Variants in PRKCB observed in about 807,000 individuals in gnomAD.
PRKCB encodes the protein protein kinase C beta.
A neutral mutation model predicts 81.5 loss-of-function variants in PRKCB; 13 were observed. The observed-to-expected ratio is 0.16, with a 90% confidence interval of 0.10 to 0.25. PRKCB has a LOEUF of 0.25. PRKCB is among the 10% of genes least tolerant of loss of function. PRKCB has a pLI of 1.00. For missense variants in PRKCB, 509 were observed against 875.7 expected (o/e 0.58, Z 5.29); for synonymous variants, 335 against 321.4 (o/e 1.04, Z -0.45).
intron 2 of PRKCB, among the ~76,000 whole-genome samples, chr16:23,971,971 CTT>C (rs567485018): frequency 5.9e-5 from 9 of 152,112 alleles, no homozygotes; most frequent in African/African-American, 2.2e-4. Context: ...TAAATTAAGA[CTT>C]ATAAATGAAT....
In PRKCB at chr16:24,122,449, C is replaced by CTTTTTT. The variant is rs35364143; in HGVS notation, c.919-1372_919-1367dup. On this transcript the variant is annotated intron_variant, in intron 8 of 16. Transcript: ENST00000643927. The stretch of plus-strand genomic sequence containing the variant: ...CATGTCAGAGGATTCTACCACGAGG[C>CTTTTTT]TTTTTTTTTTTTTTTTTTTAGTGAG... Among the ~76,000 whole-genome samples the CTTTTTT allele has an allele frequency of 1.6e-4, 16 of 97,642 alleles. 2 individuals carry two copies. The highest frequency in any genetic ancestry group is 1.2e-3 in the East Asian group (4 of 3,436). 64.1% of individuals were successfully genotyped at this position (97,642 alleles called of 152,430 possible).
Position 24,215,139 on chromosome 16 carries a change from A to C in PRKCB, c.*323A>C. The C allele has an allele frequency of 9.1e-7, 1 of 1,094,448 alleles. No individual in the cohort carries two copies. Among genetic ancestry groups the C allele is most frequent in the Middle Eastern group, 4.3e-4 (1 of 2,318 alleles). 67.8% of individuals were successfully genotyped at this position (1,094,448 alleles called of 1,614,324 possible). ...CTGCTTTCTTTCCCTCTTTTTCTGC[A>C]CTGCCATATTCACCCCCAACCATCC... On this transcript the variant is annotated 3_prime_UTR_variant, in exon 17 of 17. Coordinates refer to ENST00000643927, the MANE Select transcript of PRKCB (RefSeq NM_002738.7).
At chr16:24,158,582 A>G (rs1396224307) in intron 10 of PRKCB, among the ~76,000 whole-genome samples, 2 of 150,182 alleles carry the variant, frequency 1.3e-5, no homozygotes, top group African/African-American at 5.0e-5. Flanking sequence ...GTATATGTAT[A>G]TGTATATGTA....
At chr16:23,886,425 T>TTC (rs1963204040) in intron 2 of PRKCB, among the ~76,000 whole-genome samples, 2 of 131,700 alleles carry the variant, frequency 1.5e-5, no homozygotes, top group Non-Finnish European at 3.2e-5. Flanking sequence ...TTTTTTTTTT[T>TTC]TTTTTTTGAT....
intron 2 of PRKCB, chr16:23,963,949 A>G (rs1293238475): frequency 1.3e-5 from 2 of 152,200 alleles, no homozygotes; most frequent in Non-Finnish European, 2.9e-5. Context: ...TGACAGCAGC[A>G]CCATTGGCTC....
At chr16:24,125,799 C>T (rs1171532061) in intron 9 of PRKCB, among the ~76,000 whole-genome samples, 1 of 152,136 alleles carries the variant, frequency 6.6e-6, no homozygotes, top group Non-Finnish European at 1.5e-5. Context: ...CTGAGATGGA[C>T]TAAGGGATCT....
At chr16:23,976,252 C>G (rs752155796) in intron 2 of PRKCB, among the ~76,000 whole-genome samples, 3 of 151,994 alleles carry the variant, frequency 2.0e-5, no homozygotes, top group Non-Finnish European at 2.9e-5. Flanking sequence ...GAGCCATAAT[C>G]GCACCATTGC....
At chr16:23,925,511 A>T (rs1963883989) in intron 2 of PRKCB, among the ~76,000 whole-genome samples, 1 of 152,034 alleles carries the variant, frequency 6.6e-6, no homozygotes, top group Admixed American at 6.6e-5. Flanking sequence ...GGGACTGGGG[A>T]TCCAAGGACT....
In PRKCB at chr16:24,219,245, C is replaced by CTTTTG. The variant is rs10639027; in HGVS notation, c.*4454_*4458dup. The CTTTTG allele has an allele frequency of 0.23, 227,375 of 981,870 alleles. 27,473 individuals are homozygous for CTTTTG. Among genetic ancestry groups the CTTTTG allele is most frequent in the East Asian group, 0.3 (2,558 of 8,628 alleles). 60.8% of individuals were successfully genotyped at this position (981,870 alleles called of 1,614,324 possible). On this transcript the variant is annotated 3_prime_UTR_variant, in exon 17 of 17. Coordinates refer to ENST00000643927, the MANE Select transcript of PRKCB (RefSeq NM_002738.7). ...AGGAGAATCGAGTTGCTTTGAGTTT[C>CTTTTG]TTTTGTTTTGTTTTGTTTTGTTTTG...
At chr16:24,031,927 A>G (rs1965555524) in intron 3 of PRKCB, 2 of 445,864 alleles carry the variant, frequency 4.5e-6, no homozygotes, top group South Asian at 6.6e-5. Flanking sequence ...AAAGGGAACA[A>G]TCATCTGTCT....
chr16:24,047,729 G>T (rs183458627), intron 5 of PRKCB, among the ~76,000 whole-genome samples: 378 of 152,310 alleles, frequency 2.5e-3, no homozygotes, highest in African/African-American at 8.4e-3. Flanking sequence ...GGGAGAGGAA[G>T]GAGATGCTTC....
rs527859325 is a variant in PRKCB at position 23,901,170 on chromosome 16, G to A, written c.205+63764G>A. Among the ~76,000 whole-genome samples the A allele has an allele frequency of 5.4e-4, 82 of 152,090 alleles. 2 individuals are homozygous for A. In the South Asian group the frequency reaches 0.016, roughly 30 times the overall value. ...AATATTAATTGTGTCTGTCATCCTGGGGCTCTGAGCACGTGAGCGTTTGGG... is the reference window on the plus strand; with the variant it reads ...AATATTAATTGTGTCTGTCATCCTGAGGCTCTGAGCACGTGAGCGTTTGGG... On this transcript the variant is annotated intron_variant, in intron 2 of 16. Transcript: ENST00000643927.
At chr16:24,167,093 T>A (rs528879704) in intron 10 of PRKCB, among the ~76,000 whole-genome samples, 1 of 151,874 alleles carries the variant, frequency 6.6e-6, no homozygotes, top group South Asian at 2.1e-4. Context: ...GTTTTGGTTC[T>A]CTTCAACGTG....
intron 7 of PRKCB, among the ~76,000 whole-genome samples, chr16:24,108,123 C>G (rs1177836550): frequency 6.6e-6 from 1 of 151,628 alleles, no homozygotes; most frequent in African/African-American, 2.4e-5. Context: ...TCTACTTGCA[C>G]GTGCATAACC....
At chr16:23,851,952 T>C (rs1691849192) in intron 2 of PRKCB, among the ~76,000 whole-genome samples, 1 of 152,172 alleles carries the variant, frequency 6.6e-6, no homozygotes, top group Admixed American at 6.5e-5. Context: ...ACACTACTGA[T>C]TGTATGTTGG....
chr16:23,916,762 C>T (rs975477524), intron 2 of PRKCB, among the ~76,000 whole-genome samples: 6 of 151,966 alleles, frequency 3.9e-5, no homozygotes, highest in African/African-American at 1.4e-4. Flanking sequence ...TATAGAACAT[C>T]CTCATTCTTT....
At chr16:23,917,878 C>G (rs1038238904) in intron 2 of PRKCB, among the ~76,000 whole-genome samples, 1 of 152,164 alleles carries the variant, frequency 6.6e-6, no homozygotes, top group Admixed American at 6.5e-5. Flanking sequence ...CTTAGAAACA[C>G]ATTTGCCTCC....
chr16:23,929,116 C>T (rs899071042), intron 2 of PRKCB, among the ~76,000 whole-genome samples: 6 of 152,004 alleles, frequency 3.9e-5, no homozygotes, highest in African/African-American at 1.4e-4. Flanking sequence ...GAGGGTGCTG[C>T]ATAAGAGATG....
intron 2 of PRKCB, among the ~76,000 whole-genome samples, chr16:23,859,973 G>A (rs1962636819): frequency 6.6e-6 from 1 of 152,114 alleles, no homozygotes; most frequent in Admixed American, 6.5e-5. Context: ...AATGAGAAGT[G>A]ATGGGAAAAT....
Sources: allele counts gnomAD v4.1 joint callset (sites outside exome capture counted in the v4.1 genomes callset), GRCh38; gene constraint gnomAD v4.1.1; transcripts MANE v1.5; gene names NCBI Gene and HGNC (gene_info 2026-07-23, HGNC 2026-07-21).